Variants in STIM1 observed in about 807,000 individuals in gnomAD.
STIM1 encodes stromal interaction molecule 1.
Under a neutral mutation model 74.7 loss-of-function variants are expected in STIM1, and 25 were observed. The observed-to-expected ratio is 0.33, with a 90% CI of 0.24 to 0.47. The LOEUF is 0.47. STIM1 is among the 20% of genes least tolerant of loss of function. The pLI is 1.00. For synonymous variants in STIM1, 328 were observed against 348.8 expected, an observed-to-expected ratio of 0.94 and a Z score of 0.66; for missense variants, 728 against 920.8, an observed-to-expected ratio of 0.79 and a Z score of 2.71.
At chr11:4,076,903 G>C (rs1228896050) in intron 7 of STIM1, among the ~76,000 whole-genome samples, 2 of 151,224 alleles carry the variant, frequency 1.3e-5, no homozygotes, top group African/African-American at 2.4e-5. Context: ...ATGCTGTGTG[G>C]GTGTAGTCCT....
intron 2 of STIM1, among the ~76,000 whole-genome samples, chr11:3,977,560 A>C (rs571056784): frequency 6.6e-6 from 1 of 152,244 alleles, no homozygotes; most frequent in Non-Finnish European, 1.5e-5. Flanking sequence ...TTTCATGAAG[A>C]TGTTGCAAAT....
chr11:4,026,631 C>G (rs758449605), intron 3 of STIM1, among the ~76,000 whole-genome samples: 7 of 152,290 alleles, frequency 4.6e-5, no homozygotes, highest in Non-Finnish European at 1.0e-4. Flanking sequence ...ATGGCCTTCT[C>G]AGGTTTGATA....
chr11:3,912,861 A>G (rs530345323), intron 1 of STIM1, among the ~76,000 whole-genome samples: 24 of 152,294 alleles, frequency 1.6e-4, no homozygotes, highest in African/African-American at 5.5e-4. Flanking sequence ...CTGGGGGGTG[A>G]GGATCCAAGT....
chr11:3,929,142 C>T (rs2092827556), intron 1 of STIM1, among the ~76,000 whole-genome samples: 1 of 152,186 alleles, frequency 6.6e-6, no homozygotes, highest in Non-Finnish European at 1.5e-5. Context: ...TACATCTGGC[C>T]GATGATTCTT....
intron 7 of STIM1, among the ~76,000 whole-genome samples, chr11:4,075,739 T>TA (rs1227266165): frequency 6.6e-6 from 1 of 152,228 alleles, no homozygotes; most frequent in African/African-American, 2.4e-5. Flanking sequence ...CTGTTGGACA[T>TA]ATAATATTCA....
chr11:3,870,890 T>C (rs1423612270), intron 1 of STIM1, among the ~76,000 whole-genome samples: 1 of 147,848 alleles, frequency 6.8e-6, no homozygotes. Context: ...TTTTTTTTTT[T>C]TGAGATGAAG....
intron 1 of STIM1, among the ~76,000 whole-genome samples, chr11:3,870,741 A>T (rs1590510344): frequency 6.6e-6 from 1 of 151,116 alleles, no homozygotes; most frequent in Non-Finnish European, 1.5e-5. Context: ...CAAGCAATCC[A>T]CCCACCTCAG....
rs116624437 is a variant in STIM1, at chr11:4,006,403, T to C, written c.271-17470T>C. On this transcript the variant is annotated intron_variant, in intron 2 of 12. Coordinates refer to ENST00000526596, the MANE Select transcript of STIM1 (RefSeq NM_001382567.1). Reference sequence around the variant, plus strand: ...TTATAAATTACCCAGTCTCAGGTATTTCTTTTTTTCTTTCTTTTTAAAATT... The same window carrying C: ...TTATAAATTACCCAGTCTCAGGTATCTCTTTTTTTCTTTCTTTTTAAAATT... Among the ~76,000 whole-genome samples the C allele has an allele frequency of 1.1e-3, 172 of 152,268 alleles. 1 individual carries two copies. Among genetic ancestry groups the C allele is most frequent in the African/African-American group, 3.9e-3 (164 of 41,580 alleles).
chr11:3,859,402 C>T (rs978575995), intron 1 of STIM1, among the ~76,000 whole-genome samples: 19 of 152,150 alleles, frequency 1.2e-4, no homozygotes, highest in African/African-American at 4.1e-4. Context: ...CTGGGGCTTG[C>T]GTTTCTGAAG....
intron 2 of STIM1, among the ~76,000 whole-genome samples, chr11:3,995,705 C>T (rs187240668): frequency 2.8e-4 from 42 of 152,004 alleles, no homozygotes; most frequent in African/African-American, 8.2e-4. Flanking sequence ...AGTGCAGTGG[C>T]GTGATCATGG....
chr11:4,087,135 A>G (rs2094498722), intron 12 of STIM1, among the ~76,000 whole-genome samples: 1 of 152,152 alleles, frequency 6.6e-6, no homozygotes, highest in Admixed American at 6.5e-5. Context: ...CTTTCACATT[A>G]GTTATCTCAC....
At chr11:3,869,436 G>A (rs1181811125) in intron 1 of STIM1, among the ~76,000 whole-genome samples, 1 of 152,180 alleles carries the variant, frequency 6.6e-6, no homozygotes, top group Non-Finnish European at 1.5e-5. Flanking sequence ...CTTCTCTGCT[G>A]AGGGAGATCA....
At chr11:3,989,190 A>C (rs1489662679) in intron 2 of STIM1, 1 of 961,148 alleles carries the variant, frequency 1.0e-6, no homozygotes, top group African/African-American at 1.6e-5. Context: ...CTCCTGCCTC[A>C]TCAGAGGCTG....
chr11:4,028,361 C>T (rs183811058), intron 3 of STIM1, among the ~76,000 whole-genome samples: 18 of 152,016 alleles, frequency 1.2e-4, no homozygotes, highest in African/African-American at 3.6e-4. Flanking sequence ...GGATTACAGG[C>T]GTGAGCCACT....
intron 3 of STIM1, among the ~76,000 whole-genome samples, chr11:4,055,043 G>T (rs1294962798): frequency 6.6e-6 from 1 of 152,164 alleles, no homozygotes; most frequent in Non-Finnish European, 1.5e-5. Flanking sequence ...TGAATGCTCA[G>T]TTGAATAGCT....
At chr11:3,963,375 A>G (rs1268324049) in intron 1 of STIM1, among the ~76,000 whole-genome samples, 1 of 152,154 alleles carries the variant, frequency 6.6e-6, no homozygotes, top group African/African-American at 2.4e-5. Context: ...TGCTAAGGAT[A>G]ATGACCTCCA....
At chr11:4,080,746 G>A (rs762357341) in intron 7 of STIM1, among the ~76,000 whole-genome samples, 2 of 152,194 alleles carry the variant, frequency 1.3e-5, no homozygotes, top group Non-Finnish European at 2.9e-5. Context: ...GATTACAGGC[G>A]TGAGCCACTG....
intron 1 of STIM1, among the ~76,000 whole-genome samples, chr11:3,894,085 T>C (rs1235992284): frequency 6.6e-6 from 1 of 152,066 alleles, no homozygotes; most frequent in Non-Finnish European, 1.5e-5. Flanking sequence ...ATTTGAACTA[T>C]ATTTGAAAAA....
chr11:3,997,371 T>C (rs2093672222), intron 2 of STIM1, among the ~76,000 whole-genome samples: 1 of 152,176 alleles, frequency 6.6e-6, no homozygotes, highest in East Asian at 1.9e-4. Flanking sequence ...ATTAAGTGGA[T>C]ACTGTGAGGC....
Sources: gnomAD v4.1 joint callset for allele counts (sites outside exome capture counted in the v4.1 genomes callset) on GRCh38, gnomAD v4.1.1 for gene constraint, MANE v1.5 for transcripts, NCBI Gene and HGNC (gene_info 2026-07-23, HGNC 2026-07-21) for gene names.